STXBP6: variants seen among roughly 807,000 people sequenced by gnomAD.
The protein encoded by STXBP6 is syntaxin-binding protein 6.
A neutral mutation model predicts 26.9 loss-of-function variants in STXBP6; 21 were observed. That is an observed-to-expected ratio of 0.78 (90% confidence interval 0.55 to 1.12). The LOEUF is 1.12. Ranked by LOEUF, STXBP6 falls within the 50% of genes most tolerant of loss-of-function variation. The pLI, the probability that STXBP6 is intolerant of heterozygous loss-of-function variation, is 0.00. For missense variants in STXBP6, 232 were observed against 257.9 expected, an observed-to-expected ratio of 0.90 and a Z score of 0.69; for synonymous variants, 97 against 92.6, an observed-to-expected ratio of 1.05 and a Z score of -0.27.
chr14:24,856,776 T>C (rs2069348164), intron 3 of STXBP6, among the ~76,000 whole-genome samples: 1 of 152,066 alleles, frequency 6.6e-6, no homozygotes, highest in Non-Finnish European at 1.5e-5. Context: ...CTTCGTACTT[T>C]GCTGATCAAT....
chr14:24,812,971 T>C (rs955932190), intron 5 of STXBP6, among the ~76,000 whole-genome samples: 2 of 145,854 alleles, frequency 1.4e-5, no homozygotes, highest in Non-Finnish European at 3.1e-5. Flanking sequence ...GGTGTATGCA[T>C]CCAGGCGGGA....
intron 1 of STXBP6, among the ~76,000 whole-genome samples, chr14:25,030,865 C>T (rs2075440190): frequency 6.6e-6 from 1 of 151,858 alleles, no homozygotes; most frequent in Admixed American, 6.6e-5. Context: ...AATTGCCTAA[C>T]ACCCTACATA....
At chr14:24,919,300 A>T (rs145378575) in intron 2 of STXBP6, among the ~76,000 whole-genome samples, 109 of 152,176 alleles carry the variant, frequency 7.2e-4, no homozygotes, top group African/African-American at 2.5e-3. Flanking sequence ...CAGACTAAAG[A>T]GATGGAAGAA....
intron 2 of STXBP6, among the ~76,000 whole-genome samples, chr14:24,898,476 A>C (rs1368332312): frequency 2.6e-5 from 4 of 152,208 alleles, no homozygotes; most frequent in Non-Finnish European, 5.9e-5. Flanking sequence ...CAGGAGTTCG[A>C]GACCAGCCTG....
intron 2 of STXBP6, among the ~76,000 whole-genome samples, chr14:24,879,009 C>T (rs2070252781): frequency 6.6e-6 from 1 of 152,048 alleles, no homozygotes; most frequent in Non-Finnish European, 1.5e-5. Context: ...TGCTAGAAAG[C>T]CTATTGACAG....
intron 1 of STXBP6, among the ~76,000 whole-genome samples, chr14:25,027,803 T>C (rs2075375664): frequency 1.3e-5 from 2 of 152,218 alleles, no homozygotes; most frequent in South Asian, 2.1e-4. Flanking sequence ...AAATTAAAAA[T>C]ACTGCTCTGC....
intron 2 of STXBP6, among the ~76,000 whole-genome samples, chr14:24,907,791 C>CT (rs879763959): frequency 1.6e-4 from 24 of 147,294 alleles, no homozygotes; most frequent in South Asian, 2.2e-4. Context: ...GTTTTTTTTC[C>CT]TTTTTTTTTT....
intron 4 of STXBP6, among the ~76,000 whole-genome samples, chr14:24,845,562 T>C (rs562266001): frequency 2.0e-5 from 3 of 152,302 alleles, no homozygotes; most frequent in South Asian, 4.1e-4. Context: ...AGAAGTAATA[T>C]AGTCTATAGG....
chr14:25,004,479 G>C (rs1351144197), intron 1 of STXBP6, among the ~76,000 whole-genome samples: 2 of 152,208 alleles, frequency 1.3e-5, no homozygotes, highest in African/African-American at 4.8e-5. Flanking sequence ...GGACCTTGTG[G>C]TTGACCACCT....
At chr14:25,031,940 T>C in intron 1 of STXBP6, among the ~76,000 whole-genome samples, 1 of 151,930 alleles carries the variant, frequency 6.6e-6, no homozygotes, top group East Asian at 1.9e-4. Flanking sequence ...TGCTTCCAAC[T>C]AAAGGAAGAA....
chr14:24,991,629 C>T (rs1004343492), intron 1 of STXBP6, among the ~76,000 whole-genome samples: 1 of 152,160 alleles, frequency 6.6e-6, no homozygotes, highest in South Asian at 2.1e-4. Flanking sequence ...TGCAAGATGA[C>T]TTTTGTCTTT....
intron 1 of STXBP6, among the ~76,000 whole-genome samples, chr14:24,978,535 A>C (rs762506401): frequency 6.6e-5 from 10 of 152,208 alleles, no homozygotes; most frequent in Non-Finnish European, 1.3e-4. Context: ...TGAATATAAC[A>C]GCAATGGTAC....
At chr14:24,946,701 A>C (rs530835873) in intron 2 of STXBP6, among the ~76,000 whole-genome samples, 19 of 152,340 alleles carry the variant, frequency 1.2e-4, no homozygotes, top group African/African-American at 4.6e-4. Context: ...TCTCTCCAAG[A>C]AAGGGAGAAG....
rs1451041000 is a variant in STXBP6, at chr14:24,945,462, C to A, written c.154+29203G>T. On this transcript the variant is annotated intron_variant, in intron 2 of 5. Coordinates refer to ENST00000323944, the MANE Select transcript of STXBP6 (RefSeq NM_001394410.1). ...GCACACACCTGTAGTCCCAGCTACT[C>A]AGGAGGCTGAGATGGGCAGATGGTT... 2.6e-5 allele frequency among the ~76,000 whole-genome samples: 4 copies of A among 152,004 alleles called. No individual in the cohort carries two copies. In the East Asian group the frequency reaches 7.7e-4, roughly 29 times the overall value.
At chr14:24,897,800 T>C (rs1383464461) in intron 2 of STXBP6, among the ~76,000 whole-genome samples, 1 of 152,138 alleles carries the variant, frequency 6.6e-6, no homozygotes, top group Non-Finnish European at 1.5e-5. Flanking sequence ...CATGGCTCCT[T>C]CTGTTCTATT....
rs531266847 is a variant in STXBP6, at chr14:24,882,775, ATAAGTT to A, written c.155-25624_155-25619del. ...AGCTCTAGCCTACCACCTCTCCACT[ATAAGTT>A]TATTTGTTCATATAATCCTTCATAC... On this transcript the variant is annotated intron_variant, in intron 2 of 5. Transcript: ENST00000323944. Among the ~76,000 whole-genome samples, 670 of 152,282 alleles carry A rather than the reference ATAAGTT, an allele frequency of 4.4e-3. 2 individuals are homozygous for A. The highest frequency in any genetic ancestry group is 0.015 in the African/African-American group (640 of 41,554).
intron 4 of STXBP6, among the ~76,000 whole-genome samples, chr14:24,850,385 A>G (rs2069107953): frequency 6.6e-6 from 1 of 152,130 alleles, no homozygotes; most frequent in African/African-American, 2.4e-5. Flanking sequence ...TGGGCTTTAT[A>G]CTATCATCTG....
At chr14:25,031,431 A>T (rs2075452489) in intron 1 of STXBP6, among the ~76,000 whole-genome samples, 1 of 152,256 alleles carries the variant, frequency 6.6e-6, no homozygotes, top group Non-Finnish European at 1.5e-5. Flanking sequence ...CAGGAGGAAG[A>T]GATGACAAAG....
At position 25,049,249 on chromosome 14, in the gene STXBP6, GC is replaced by G; in HGVS notation, c.-33+628del. ...CCCGGCGGTGTTGGTGAGGCTCGAT[GC>G]CGGCGTGCACGGCAAGCGCGAATTC... On this transcript the variant is annotated intron_variant, in intron 1 of 5. Coordinates refer to ENST00000323944, the MANE Select transcript of STXBP6 (RefSeq NM_001394410.1). This position sits in a 1 kb window ranked among gnomAD's most constrained non-coding sequence, Gnocchi z 5.6. 1 of 985,458 alleles carries G rather than the reference GC, an allele frequency of 1.0e-6. No homozygotes were observed. The highest frequency in any genetic ancestry group is 1.1e-4 in the East Asian group (1 of 8,800). The allele number at this position is 985,458 out of a possible 1,614,324, so 61.0% of individuals were successfully genotyped here.
Sources: allele counts gnomAD v4.1 joint callset (sites outside exome capture counted in the v4.1 genomes callset), GRCh38; gene constraint gnomAD v4.1.1; non-coding constraint Gnocchi (gnomAD v3.1); transcripts MANE v1.5; gene names NCBI Gene and HGNC (gene_info 2026-07-23, HGNC 2026-07-21).